Variants in POU2AF3 observed in about 807,000 individuals in gnomAD.
POU2AF3 encodes the protein POU class 2 homeobox associating factor 3.
the POU2AF3 span, chr11:111,308,702 C>A: frequency 3.5e-6 from 1 of 286,282 alleles, no homozygotes; most frequent in Non-Finnish European, 6.4e-6. Flanking sequence ...AATGCTGTCT[C>A]CTTTTTTACT....
chr11:111,308,077 A>T, the POU2AF3 span: 1 of 1,496,982 alleles, frequency 6.7e-7, no homozygotes, highest in Non-Finnish European at 8.9e-7. Flanking sequence ...AGATCCCAGG[A>T]TCACCTTCAA....
the POU2AF3 span, chr11:111,298,850 C>T: frequency 1.4e-5 from 11 of 759,724 alleles, no homozygotes; most frequent in Non-Finnish European, 1.9e-5. Context: ...TCCCACGTAT[C>T]CACTGTTGTG....
At chr11:111,299,689 C>T in the POU2AF3 span, 6 of 1,231,284 alleles carry the variant, frequency 4.9e-6, no homozygotes, top group Non-Finnish European at 6.1e-6. Context: ...AGCCTCAGTG[C>T]GCCTCGGAGA....
the POU2AF3 span, among the ~76,000 whole-genome samples, chr11:111,301,745 G>A: frequency 6.6e-6 from 1 of 152,266 alleles, no homozygotes; most frequent in East Asian, 1.9e-4. Context: ...TCGAGTTATT[G>A]CATACAAAGC....
the POU2AF3 span, chr11:111,306,536 G>A: frequency 1.1e-5 from 17 of 1,551,178 alleles, no homozygotes; most frequent in Admixed American, 5.9e-5. Flanking sequence ...AGATGCACCC[G>A]GAGCCTTTGC....
At chr11:111,304,963 A>G in the POU2AF3 span, 1 of 1,232,958 alleles carries the variant, frequency 8.1e-7, no homozygotes, top group Non-Finnish European at 1.0e-6. Context: ...TTTCAGACCC[A>G]GTTGCACCAT....
the POU2AF3 span, chr11:111,304,874 C>G: frequency 1.1e-5 from 11 of 1,036,054 alleles, no homozygotes; most frequent in South Asian, 5.0e-4. Flanking sequence ...TCTTAGCTTT[C>G]CCTTCAGAGC....
the POU2AF3 span, chr11:111,306,635 C>G: frequency 6.5e-7 from 1 of 1,538,520 alleles, no homozygotes; most frequent in Non-Finnish European, 8.8e-7. Context: ...TAATTTTTCT[C>G]AGTTCTTTAT....
the POU2AF3 span, chr11:111,305,068 A>C: frequency 1.6e-5 from 12 of 770,254 alleles, no homozygotes; most frequent in Non-Finnish European, 1.9e-5. Flanking sequence ...TCAGGGGTTA[A>C]GATAGGCACC....
chr11:111,308,253 G>A, the POU2AF3 span: 6 of 1,551,774 alleles, frequency 3.9e-6, no homozygotes, highest in East Asian at 1.5e-4. Context: ...GCCCAGTACA[G>A]CTGCTTCTCC....
the POU2AF3 span, chr11:111,306,391 T>C: frequency 1.7e-5 from 24 of 1,445,146 alleles, no homozygotes; most frequent in Non-Finnish European, 2.0e-5. Context: ...CTTTCTCCTC[T>C]AGGACTGTAT....
chr11:111,305,051 T>C, the POU2AF3 span: 1 of 1,020,978 alleles, frequency 9.8e-7, no homozygotes. Context: ...AGTCTTTCAG[T>C]CTTGATTCAG....
chr11:111,299,788 G>C, the POU2AF3 span: 1 of 1,155,652 alleles, frequency 8.7e-7, no homozygotes, highest in East Asian at 3.2e-5. Context: ...AGGGCAAGAT[G>C]GAGCGCGGAA....
chr11:111,308,169 C>T, the POU2AF3 span: 2 of 1,551,778 alleles, frequency 1.3e-6, no homozygotes, highest in South Asian at 2.4e-5. Context: ...AATTACAATT[C>T]CCCTGCTTCT....
At chr11:111,299,441 A>G in the POU2AF3 span, 2 of 1,041,770 alleles carry the variant, frequency 1.9e-6, no homozygotes, top group Non-Finnish European at 2.3e-6. Context: ...TCCCCAACCT[A>G]CTCACTGCGG....
the POU2AF3 span, among the ~76,000 whole-genome samples, chr11:111,301,981 T>TC: frequency 3.3e-5 from 5 of 152,186 alleles, no homozygotes; most frequent in Non-Finnish European, 7.4e-5. Flanking sequence ...AGTAAGGACC[T>TC]CCATGTGCAG....
chr11:111,307,960 G>T, the POU2AF3 span: 2 of 1,107,362 alleles, frequency 1.8e-6, no homozygotes, highest in Admixed American at 6.9e-5. Flanking sequence ...GTTTGATTTG[G>T]TTTTTTACCC....
the POU2AF3 span, chr11:111,299,886 A>C: frequency 2.0e-6 from 1 of 489,284 alleles, no homozygotes; most frequent in African/African-American, 2.0e-5. Context: ...TGGCCCCTTT[A>C]CTAGGTCAGT....
chr11:111,299,926 G>A, the POU2AF3 span: 1 of 421,448 alleles, frequency 2.4e-6, no homozygotes, highest in East Asian at 3.6e-5. Context: ...CCCAGGACGG[G>A]GCTGGCCAAA....
Sources: gnomAD v4.1 joint callset for allele counts (sites outside exome capture counted in the v4.1 genomes callset) on GRCh38, gnomAD v4.1.1 for gene constraint, MANE v1.5 for transcripts, NCBI Gene and HGNC (gene_info 2026-07-23, HGNC 2026-07-21) for gene names.